TCF4: variants seen among roughly 807,000 people sequenced by gnomAD.
TCF4 encodes the protein transcription factor 4.
A neutral mutation model predicts 82.1 loss-of-function variants in TCF4; 3 were observed. The ratio of observed to expected loss-of-function variants is 0.04; its 90% confidence interval spans 0.02 to 0.09. The LOEUF is 0.09. TCF4 is among the 10% of genes least tolerant of loss of function. The pLI is 1.00. For missense variants in TCF4, 518 were observed against 852.7 expected (o/e 0.61, Z 4.89); for synonymous variants, 276 against 309.6 (o/e 0.89, Z 1.14).
At chr18:55,601,610 C>A (rs1033690989) in intron 2 of TCF4, among the ~76,000 whole-genome samples, 1 of 152,040 alleles carries the variant, frequency 6.6e-6, no homozygotes, top group Admixed American at 6.6e-5. Flanking sequence ...ATGGTGAAAC[C>A]CTGTCTCTAC....
rs575424142 is a variant in TCF4, at chr18:55,334,410, T to C, written c.549+15949A>G. On this transcript the variant is annotated intron_variant, in intron 8 of 19. Transcript: ENST00000354452. Reference sequence around the variant, plus strand: ...AATTATAGGAGAAAAAATTCTGCCATAGTTTCTAATCAAAATCTCCAATTG... The same window carrying C: ...AATTATAGGAGAAAAAATTCTGCCACAGTTTCTAATCAAAATCTCCAATTG... 3.9e-5 allele frequency among the ~76,000 whole-genome samples: 6 copies of C among 152,112 alleles called. No homozygotes were observed. The East Asian group carries it at 5.8e-4, about 15-fold the overall frequency.
At chr18:55,433,077 G>A (rs573578682) in intron 5 of TCF4, among the ~76,000 whole-genome samples, 4 of 152,258 alleles carry the variant, frequency 2.6e-5, no homozygotes, top group South Asian at 2.1e-4. Context: ...ATATCATCTC[G>A]ATAACTTATA....
chr18:55,465,680 C>T (rs925737201), intron 3 of TCF4, among the ~76,000 whole-genome samples: 3 of 152,138 alleles, frequency 2.0e-5, no homozygotes, highest in Non-Finnish European at 2.9e-5. Context: ...TACTTACAAC[C>T]CTCTGGGATT....
chr18:55,539,936 G>C (rs1011698310), intron 3 of TCF4, among the ~76,000 whole-genome samples: 3 of 151,778 alleles, frequency 2.0e-5, no homozygotes, highest in African/African-American at 7.3e-5. Context: ...TTCCACTTGC[G>C]CACCGGACAT....
chr18:55,613,630 G>A (rs1348467438), intron 2 of TCF4, among the ~76,000 whole-genome samples: 2 of 152,126 alleles, frequency 1.3e-5, no homozygotes, highest in African/African-American at 4.8e-5. Flanking sequence ...GAAAGCAAAG[G>A]GGAAGCAAGT....
chr18:55,367,847 T>A (rs1011108505), intron 6 of TCF4, among the ~76,000 whole-genome samples: 1 of 152,114 alleles, frequency 6.6e-6, no homozygotes, highest in Non-Finnish European at 1.5e-5. Context: ...TAGATAAGAT[T>A]TAGTAGGGAG....
chr18:55,474,535 T>C (rs2096250783), intron 3 of TCF4, among the ~76,000 whole-genome samples: 1 of 152,166 alleles, frequency 6.6e-6, no homozygotes, highest in African/African-American at 2.4e-5. Context: ...AATCTTGAAA[T>C]GATTCCAGCA....
At chr18:55,524,553 T>C (rs765064530) in intron 3 of TCF4, among the ~76,000 whole-genome samples, 1 of 152,182 alleles carries the variant, frequency 6.6e-6, no homozygotes, top group Non-Finnish European at 1.5e-5. Flanking sequence ...AAGTAATCAA[T>C]ATTGATTAAG....
chr18:55,570,869 T>G (rs2097457638), intron 3 of TCF4, among the ~76,000 whole-genome samples: 1 of 131,038 alleles, frequency 7.6e-6, no homozygotes, highest in African/African-American at 2.9e-5. Flanking sequence ...AGCAACAGAG[T>G]GAGATGTGAG....
intron 5 of TCF4, among the ~76,000 whole-genome samples, chr18:55,433,416 G>C: frequency 6.6e-6 from 1 of 152,194 alleles, no homozygotes; most frequent in Non-Finnish European, 1.5e-5. Flanking sequence ...ACATGTATGG[G>C]CTTTAGCAAT....
chr18:55,422,125 CAA>C (rs555892552), intron 5 of TCF4: 15,485 of 315,954 alleles, frequency 0.049, no homozygotes, highest in Non-Finnish European at 0.057. Context: ...CACTATCATC[CAA>C]AAAAAAAAAA....
At chr18:55,321,398 T>C in intron 8 of TCF4, 4 of 508,674 alleles carry the variant, frequency 7.9e-6, no homozygotes, top group Non-Finnish European at 1.4e-5. Context: ...CAACTTTACC[T>C]GACTGCAAAC....
intron 3 of TCF4, among the ~76,000 whole-genome samples, chr18:55,534,880 A>T (rs982352229): frequency 5.9e-5 from 9 of 152,244 alleles, no homozygotes; most frequent in South Asian, 2.1e-4. Context: ...TGAGCATGCC[A>T]ATAGAATGAC....
intron 2 of TCF4, among the ~76,000 whole-genome samples, chr18:55,627,174 A>T (rs2097727266): frequency 6.6e-6 from 1 of 152,132 alleles, no homozygotes; most frequent in Admixed American, 6.6e-5. Flanking sequence ...CCCTTTTCAC[A>T]GTTACTTGCT....
chr18:55,321,916 C>T, intron 8 of TCF4: 2 of 1,398,284 alleles, frequency 1.4e-6, no homozygotes, highest in Non-Finnish European at 1.9e-6. Flanking sequence ...CGCGGCGCTG[C>T]TGTCAGACGC....
At chr18:55,465,676 C>A (rs2096001025) in intron 3 of TCF4, among the ~76,000 whole-genome samples, 1 of 152,178 alleles carries the variant, frequency 6.6e-6, no homozygotes, top group African/African-American at 2.4e-5. Flanking sequence ...AAGCTACTTA[C>A]AACCCTCTGG....
At chr18:55,635,727 C>T (rs1283780753) in exon 1 of TCF4, 8 of 1,550,154 alleles carry the variant, frequency 5.2e-6, no homozygotes, top group Admixed American at 2.0e-5. Context: ...TGGAGAAGCT[C>T]GAGTAGCAGT....
At chr18:55,533,085 TCAAAA>T (rs747036485) in intron 3 of TCF4, among the ~76,000 whole-genome samples, 4 of 152,144 alleles carry the variant, frequency 2.6e-5, no homozygotes, top group South Asian at 2.1e-4. Context: ...AAAATGTGGT[TCAAAA>T]CAAAACAAAA....
intron 3 of TCF4, among the ~76,000 whole-genome samples, chr18:55,496,544 A>C (rs921334351): frequency 6.6e-6 from 1 of 152,116 alleles, no homozygotes; most frequent in African/African-American, 2.4e-5. Context: ...TGTTAATAAA[A>C]ATATTTATAC....
Sources: gnomAD v4.1 joint callset for allele counts (sites outside exome capture counted in the v4.1 genomes callset) on GRCh38, gnomAD v4.1.1 for gene constraint, MANE v1.5 for transcripts, NCBI Gene and HGNC (gene_info 2026-07-23, HGNC 2026-07-21) for gene names.